The following SUGCT variants were observed in gnomAD, a reference collection of about 807,000 sequenced individuals.
SUGCT encodes the protein succinyl-CoA:glutarate CoA-transferase.
Under a neutral mutation model 55.0 loss-of-function variants are expected in SUGCT, and 41 were observed. The observed-to-expected ratio is 0.74, with a 90% CI of 0.58 to 0.97. The LOEUF (loss-of-function observed/expected upper bound fraction) is 0.97, where lower values mean the gene tolerates loss of function less well. Ranked by LOEUF, SUGCT falls within the 50% of genes least tolerant of loss-of-function variation. The pLI is 0.00. For synonymous variants in SUGCT, 187 were observed against 200.4 expected (o/e 0.93, Z 0.56); for missense variants, 568 against 547.8 (o/e 1.04, Z -0.37).
intron 9 of SUGCT, among the ~76,000 whole-genome samples, chr7:40,392,970 C>G (rs1480418907): frequency 6.6e-6 from 1 of 152,148 alleles, no homozygotes; most frequent in Non-Finnish European, 1.5e-5. Context: ...GGAAGAGGGT[C>G]AGGCAGAAGA....
chr7:40,487,982 T>TCTAA (rs1330945590), intron 11 of SUGCT, among the ~76,000 whole-genome samples: 4 of 151,760 alleles, frequency 2.6e-5, no homozygotes, highest in Non-Finnish European at 5.9e-5. Context: ...TTTACTTTTA[T>TCTAA]TTATTTATTT....
chr7:40,271,437 G>A (rs560183167), intron 7 of SUGCT, among the ~76,000 whole-genome samples: 33 of 151,984 alleles, frequency 2.2e-4, no homozygotes, highest in Non-Finnish European at 3.5e-4. Context: ...CTCTTGTCTT[G>A]TTCTTCATTT....
chr7:40,912,951 C>T, the SUGCT span, among the ~76,000 whole-genome samples: 1 of 151,948 alleles, frequency 6.6e-6, no homozygotes, highest in East Asian at 1.9e-4. Flanking sequence ...CTGCTCCAGT[C>T]CTGCCATCTC....
intron 9 of SUGCT, among the ~76,000 whole-genome samples, chr7:40,414,222 G>T (rs964316154): frequency 1.3e-5 from 2 of 152,110 alleles, no homozygotes; most frequent in Non-Finnish European, 2.9e-5. Context: ...AGCAAATGTG[G>T]TCTGAATATA....
chr7:41,034,441 AAAC>A, the SUGCT span, among the ~76,000 whole-genome samples: 1 of 152,172 alleles, frequency 6.6e-6, no homozygotes, highest in Non-Finnish European at 1.5e-5. Flanking sequence ...AGCCTTAAGA[AAAC>A]AAGGCTGACC....
intron 9 of SUGCT, among the ~76,000 whole-genome samples, chr7:40,434,193 C>G (rs1405301999): frequency 6.6e-6 from 1 of 152,198 alleles, no homozygotes; most frequent in South Asian, 2.1e-4. Context: ...TTACATAACA[C>G]TCTCATGACC....
chr7:40,620,352 C>G (rs989451021), intron 12 of SUGCT, among the ~76,000 whole-genome samples: 6 of 152,132 alleles, frequency 3.9e-5, no homozygotes, highest in African/African-American at 1.4e-4. Context: ...TTTTCTATCT[C>G]TATAAAATAG....
chr7:40,435,554 T>C (rs1189146975), intron 9 of SUGCT, among the ~76,000 whole-genome samples: 2 of 152,192 alleles, frequency 1.3e-5, no homozygotes, highest in African/African-American at 4.8e-5. Flanking sequence ...TCTTAGACGC[T>C]TAACTAACTA....
chr7:40,988,900 TTTTG>T, the SUGCT span, among the ~76,000 whole-genome samples: 6 of 152,112 alleles, frequency 3.9e-5, no homozygotes, highest in African/African-American at 1.2e-4. Context: ...TGTAGTTTTT[TTTTG>T]TTTGTTTGTT....
At chr7:40,218,405 G>C (rs1448566143) in intron 6 of SUGCT, among the ~76,000 whole-genome samples, 2 of 152,176 alleles carry the variant, frequency 1.3e-5, no homozygotes, top group African/African-American at 4.8e-5. Context: ...TGGATGTCAT[G>C]ATCAGTCATC....
the SUGCT span, among the ~76,000 whole-genome samples, chr7:40,932,793 T>TCCTC: frequency 6.6e-6 from 1 of 151,560 alleles, no homozygotes; most frequent in Non-Finnish European, 1.5e-5. Context: ...TGGTAGATCT[T>TCCTC]CCTCCCTCCC....
chr7:40,641,348 T>C (rs946911273), intron 12 of SUGCT, among the ~76,000 whole-genome samples: 1 of 152,148 alleles, frequency 6.6e-6, no homozygotes, highest in Admixed American at 6.5e-5. Context: ...CGAAAAAATA[T>C]GAAGATCATT....
At chr7:40,399,376 A>G (rs1583597488) in intron 9 of SUGCT, among the ~76,000 whole-genome samples, 3 of 152,286 alleles carry the variant, frequency 2.0e-5, no homozygotes, top group East Asian at 3.9e-4. Context: ...AGTGACAAAA[A>G]ACCTAACCCA....
At chr7:40,871,936 G>A in the SUGCT span, among the ~76,000 whole-genome samples, 22 of 152,312 alleles carry the variant, frequency 1.4e-4, 2 homozygotes, top group Admixed American at 1.2e-3. Flanking sequence ...GGTTCTCTGG[G>A]AGGAGGGTGG....
chr7:40,214,571 G>A (rs1787514366), intron 6 of SUGCT, among the ~76,000 whole-genome samples: 1 of 152,022 alleles, frequency 6.6e-6, no homozygotes, highest in African/African-American at 2.4e-5. Context: ...TGTAGTTGTG[G>A]TGATGTTCTT....
intron 9 of SUGCT, among the ~76,000 whole-genome samples, chr7:40,420,252 C>T (rs1057437582): frequency 2.0e-5 from 3 of 152,056 alleles, no homozygotes; most frequent in Non-Finnish European, 4.4e-5. Flanking sequence ...TTGAGAGTGG[C>T]AGTGGGAAAG....
chr7:40,897,947 G>C, the SUGCT span, among the ~76,000 whole-genome samples: 1 of 152,182 alleles, frequency 6.6e-6, no homozygotes, highest in Non-Finnish European at 1.5e-5. Flanking sequence ...GATGGGGCCA[G>C]ATAAGAGAAT....
chr7:40,363,302 C>T (rs1465341614), intron 9 of SUGCT, among the ~76,000 whole-genome samples: 1 of 151,792 alleles, frequency 6.6e-6, no homozygotes, highest in African/African-American at 2.4e-5. Flanking sequence ...TTTTTTGTGT[C>T]TCTATTTCCT....
intron 12 of SUGCT, among the ~76,000 whole-genome samples, chr7:40,540,757 G>C (rs1448116253): frequency 6.6e-6 from 1 of 152,224 alleles, no homozygotes; most frequent in Non-Finnish European, 1.5e-5. Context: ...ACATGGGACC[G>C]AGGAGACTGA....
Sources: allele counts gnomAD v4.1 joint callset (sites outside exome capture counted in the v4.1 genomes callset), GRCh38; gene constraint gnomAD v4.1.1; transcripts MANE v1.5; gene names NCBI Gene and HGNC (gene_info 2026-07-23, HGNC 2026-07-21).